GRIK4: variants seen among roughly 807,000 people sequenced by gnomAD.
GRIK4 encodes the protein glutamate ionotropic receptor kainate type subunit 4.
A neutral mutation model predicts 104.9 loss-of-function variants in GRIK4; 40 were observed. That is an observed-to-expected ratio of 0.38 (90% confidence interval 0.30 to 0.50). GRIK4 has a LOEUF of 0.50. Among genes scored for constraint, GRIK4 ranks in the 20% least tolerant of loss-of-function variants. GRIK4 has a pLI of 0.93. For synonymous variants in GRIK4, 485 were observed against 524.9 expected, an observed-to-expected ratio of 0.92 and a Z score of 1.04; for missense variants, 1,047 against 1,308.1, an observed-to-expected ratio of 0.80 and a Z score of 3.08.
chr11:120,528,216 G>A (rs1255342972), intron 1 of GRIK4, among the ~76,000 whole-genome samples: 1 of 152,168 alleles, frequency 6.6e-6, no homozygotes, highest in African/African-American at 2.4e-5. Flanking sequence ...AGCTCAAGCA[G>A]TCTGCCTGCC....
intron 1 of GRIK4, among the ~76,000 whole-genome samples, chr11:120,532,551 C>T (rs142435474): frequency 1.3e-5 from 2 of 152,348 alleles, no homozygotes; most frequent in Non-Finnish European, 2.9e-5. Flanking sequence ...CCCTCTGAGC[C>T]GGCTGGCTGC....
At chr11:120,970,616 G>C (rs1004613616) in intron 19 of GRIK4, among the ~76,000 whole-genome samples, 1 of 151,870 alleles carries the variant, frequency 6.6e-6, no homozygotes, top group African/African-American at 2.4e-5. Context: ...TTCTTGTGGA[G>C]GAGCAGAGGG....
intron 3 of GRIK4, among the ~76,000 whole-genome samples, chr11:120,680,416 C>G (rs1950171410): frequency 6.6e-6 from 1 of 152,220 alleles, no homozygotes; most frequent in Admixed American, 6.5e-5. Context: ...GAGAGTGGAT[C>G]TTGCCCTCTC....
intron 1 of GRIK4, among the ~76,000 whole-genome samples, chr11:120,572,271 G>T (rs184745347): frequency 6.6e-6 from 1 of 152,162 alleles, no homozygotes. Flanking sequence ...ACCTTGGGGG[G>T]TAAGACGTTC....
At chr11:120,711,840 G>T (rs116738843) in intron 3 of GRIK4, among the ~76,000 whole-genome samples, 96 of 152,346 alleles carry the variant, frequency 6.3e-4, no homozygotes, top group African/African-American at 2.2e-3. Flanking sequence ...CTGACGTGTA[G>T]CCCAGAGGAG....
chr11:120,659,968 G>A (rs1435073889), intron 2 of GRIK4, among the ~76,000 whole-genome samples: 1 of 152,222 alleles, frequency 6.6e-6, no homozygotes, highest in Non-Finnish European at 1.5e-5. Flanking sequence ...CTGGCCTCAA[G>A]TGATCCACCC....
At chr11:120,836,676 C>T in intron 7 of GRIK4, 115 bp from the exon 8 acceptor site, 3 of 745,434 alleles carry the variant, frequency 4.0e-6, no homozygotes. Context: ...TCTGTTCTGC[C>T]TGGTGCCAAG....
intron 14 of GRIK4, among the ~76,000 whole-genome samples, chr11:120,942,594 C>T (rs1251298428): frequency 1.3e-5 from 2 of 152,152 alleles, no homozygotes; most frequent in Non-Finnish European, 2.9e-5. Flanking sequence ...GCTAGGCTGC[C>T]CTCCCCACCT....
chr11:120,702,063 G>C (rs117165966), intron 3 of GRIK4, among the ~76,000 whole-genome samples: 19,948 of 145,480 alleles, frequency 0.14, 1,481 homozygotes, highest in South Asian at 0.2. Flanking sequence ...TCAAGCAATT[G>C]TCTTGCCTCA....
At chr11:120,911,262 G>A (rs1466534410) in intron 13 of GRIK4, among the ~76,000 whole-genome samples, 10 of 148,296 alleles carry the variant, frequency 6.7e-5, no homozygotes, top group African/African-American at 9.9e-5. Context: ...TTTTTGAGAC[G>A]GAGTTTCACT....
At chr11:120,605,930 T>G (rs1048983477) in intron 1 of GRIK4, among the ~76,000 whole-genome samples, 8 of 152,230 alleles carry the variant, frequency 5.3e-5, no homozygotes, top group African/African-American at 1.9e-4. Flanking sequence ...AGGCGGTGGC[T>G]GGGGAGAGGG....
At chr11:120,564,206 G>T (rs995821330) in intron 1 of GRIK4, among the ~76,000 whole-genome samples, 2 of 152,226 alleles carry the variant, frequency 1.3e-5, no homozygotes, top group African/African-American at 2.4e-5. Flanking sequence ...AACTCGCCCC[G>T]CTCAGACGGC....
intron 8 of GRIK4, among the ~76,000 whole-genome samples, chr11:120,856,940 C>T (rs1392029826): frequency 6.6e-6 from 1 of 152,178 alleles, no homozygotes; most frequent in African/African-American, 2.4e-5. Context: ...GGCCCTGCTT[C>T]CCCTAGACCT....
intron 3 of GRIK4, among the ~76,000 whole-genome samples, chr11:120,711,382 G>GT (rs1169679979): frequency 2.0e-5 from 3 of 152,122 alleles, no homozygotes; most frequent in African/African-American, 7.2e-5. Context: ...AGACCTCCTG[G>GT]TGCCCATCAC....
At chr11:120,822,729 A>C (rs1269426515) in intron 6 of GRIK4, among the ~76,000 whole-genome samples, 3 of 152,156 alleles carry the variant, frequency 2.0e-5, no homozygotes, top group Non-Finnish European at 4.4e-5. Flanking sequence ...TGTTTTGTGG[A>C]CCAGGAGTTT....
At chr11:120,587,895 G>A (rs1186409689) in intron 1 of GRIK4, among the ~76,000 whole-genome samples, 1 of 152,208 alleles carries the variant, frequency 6.6e-6, no homozygotes, top group Non-Finnish European at 1.5e-5. Context: ...GCCACTGCCG[G>A]AGCAACTAGC....
intron 1 of GRIK4, among the ~76,000 whole-genome samples, chr11:120,528,326 T>C (rs1447294379): frequency 1.3e-5 from 2 of 152,144 alleles, no homozygotes; most frequent in African/African-American, 2.4e-5. Flanking sequence ...TTAGCCAGGA[T>C]GGTCTTGATC....
At chr11:120,514,026 C>T (rs1212138977) in intron 1 of GRIK4, among the ~76,000 whole-genome samples, 1 of 152,148 alleles carries the variant, frequency 6.6e-6, no homozygotes, top group Non-Finnish European at 1.5e-5. Flanking sequence ...TCAGGGCATC[C>T]AGGAGAGAGG....
intron 3 of GRIK4, among the ~76,000 whole-genome samples, chr11:120,677,471 T>G (rs1458792016): frequency 6.6e-6 from 1 of 152,192 alleles, no homozygotes; most frequent in African/African-American, 2.4e-5. Flanking sequence ...ATGAGAACAC[T>G]TAGGATCTGA....
Sources: gnomAD v4.1 joint callset for allele counts (sites outside exome capture counted in the v4.1 genomes callset) on GRCh38, gnomAD v4.1.1 for gene constraint, MANE v1.5 for transcripts, NCBI Gene and HGNC (gene_info 2026-07-23, HGNC 2026-07-21) for gene names.